ZRANB1: variants seen among roughly 807,000 people sequenced by gnomAD.
ZRANB1 encodes ubiquitin thioesterase ZRANB1.
A neutral mutation model predicts 80.5 loss-of-function variants in ZRANB1; 16 were observed. The ratio of observed to expected loss-of-function variants is 0.20; its 90% confidence interval spans 0.13 to 0.30. The LOEUF is 0.30. Ranked by LOEUF, ZRANB1 falls within the 10% of genes least tolerant of loss-of-function variation. The pLI, the probability that ZRANB1 is intolerant of heterozygous loss-of-function variation, is 1.00. For synonymous variants in ZRANB1, 291 were observed against 293.1 expected (o/e 0.99, Z 0.07); for missense variants, 576 against 862.6 (o/e 0.67, Z 4.16).
At chr10:124,952,672 G>A (rs546856200) in intron 1 of ZRANB1, among the ~76,000 whole-genome samples, 7 of 151,990 alleles carry the variant, frequency 4.6e-5, no homozygotes, top group East Asian at 1.9e-4. Flanking sequence ...GTGTAATGGC[G>A]TGGTCTTGGC....
chr10:124,977,289 T>C (rs1057301302), intron 5 of ZRANB1, among the ~76,000 whole-genome samples: 12 of 151,978 alleles, frequency 7.9e-5, no homozygotes, highest in African/African-American at 2.7e-4. Flanking sequence ...TTTTTTTTTT[T>C]TTTCTTTTTT....
upstream of ZRANB1, among the ~76,000 whole-genome samples, chr10:124,937,233 C>G (rs1243497901): frequency 7.4e-6 from 1 of 135,204 alleles, no homozygotes; most frequent in Admixed American, 8.4e-5. Context: ...GTTGCCCAGA[C>G]TGGAGTGCAG....
intron 2 of ZRANB1, among the ~76,000 whole-genome samples, chr10:124,967,405 A>C (rs1016511867): frequency 6.6e-6 from 1 of 152,338 alleles, no homozygotes; most frequent in Admixed American, 6.5e-5. Context: ...ACTTGCAGGT[A>C]ACTAAGCATG....
At chr10:124,929,591 G>A in the ZRANB1 span, among the ~76,000 whole-genome samples, 1 of 151,092 alleles carries the variant, frequency 6.6e-6, no homozygotes, top group African/African-American at 2.4e-5. Context: ...GCCCACCTCT[G>A]CCTCCCAAAG....
chr10:124,944,457 GT>G, intron 1 of ZRANB1, among the ~76,000 whole-genome samples: 1 of 148,910 alleles, frequency 6.7e-6, no homozygotes, highest in Non-Finnish European at 1.5e-5. Context: ...GAAATCGTGA[GT>G]TTTAAAATTA....
At chr10:124,932,571 A>T in the ZRANB1 span, among the ~76,000 whole-genome samples, 2 of 149,298 alleles carry the variant, frequency 1.3e-5, no homozygotes, top group African/African-American at 5.0e-5. Context: ...GATTACAGGT[A>T]TGATTTTGAA....
chr10:124,942,288 G>A lies in ZRANB1; in HGVS notation c.-206G>A. 4 of 1,390,962 alleles carry A rather than the reference G, an allele frequency of 2.9e-6. No homozygotes were observed. In the South Asian group the frequency reaches 6.6e-5, roughly 23 times the overall value. 86.2% of individuals were successfully genotyped at this position (1,390,962 alleles called of 1,614,324 possible). On this transcript the variant is annotated 5_prime_UTR_variant, in exon 1 of 9. In the 5' UTR this introduces an upstream ATG that the reference lacks. Transcript: ENST00000359653. ...TTTTTTCTTTGAGAATTTATCTCCA[G>A]TGTTTCTATGGAAATTAAAAAAGAA...
At position 124,976,814 on chromosome 10, in the gene ZRANB1, C is replaced by T. The variant is rs186740541; in HGVS notation, c.1427+2416C>T. Among the ~76,000 whole-genome samples, 900 of 151,852 alleles carry T rather than the reference C, an allele frequency of 5.9e-3. 28 individuals carry two copies. The highest frequency in any genetic ancestry group is 0.043 in the Admixed American group (648 of 15,244). On this transcript the variant is annotated intron_variant, in intron 5 of 8. Transcript: ENST00000359653. ...CTCGAACTCCTGAGCTCAGGCAGTC[C>T]GCCCACCTCGACCTCCCAAAGTGCT... is the stretch of plus-strand genomic sequence containing the variant.
At chr10:124,959,623 C>T (rs997876068) in intron 1 of ZRANB1, among the ~76,000 whole-genome samples, 14 of 152,086 alleles carry the variant, frequency 9.2e-5, no homozygotes, top group Non-Finnish European at 1.9e-4. Context: ...CATGCCAGCA[C>T]GCCTGGCTTA....
At chr10:124,924,254 G>A in the ZRANB1 span, among the ~76,000 whole-genome samples, 6 of 150,286 alleles carry the variant, frequency 4.0e-5, no homozygotes, top group Non-Finnish European at 8.8e-5. Flanking sequence ...ATTTGAATGC[G>A]TGATATTAAT....
chr10:124,968,498 T>C (rs1194206632), intron 2 of ZRANB1, among the ~76,000 whole-genome samples: 1 of 152,124 alleles, frequency 6.6e-6, no homozygotes, highest in African/African-American at 2.4e-5. Context: ...GGCAGGCTTA[T>C]TGAGTATAAG....
rs1012681547 is a variant in ZRANB1 at position 124,945,012 on chromosome 10, T to C, written c.814+1705T>C. On this transcript the variant is annotated intron_variant, in intron 1 of 8. Coordinates refer to ENST00000359653, the MANE Select transcript of ZRANB1 (RefSeq NM_017580.3). The stretch of plus-strand genomic sequence containing the variant: ...TTCTGCTCCAAATTGAGGGGCAACA[T>C]ACAGTATGATTGTCAGTTAAAAAAA... 1.9e-4 allele frequency among the ~76,000 whole-genome samples: 29 copies of C among 152,320 alleles called. No individual in the cohort carries two copies. In the Middle Eastern group the frequency reaches 0.01, roughly 54 times the overall value.
At chr10:124,930,176 C>T in the ZRANB1 span, among the ~76,000 whole-genome samples, 1 of 152,124 alleles carries the variant, frequency 6.6e-6, no homozygotes, top group African/African-American at 2.4e-5. Context: ...GGCTTGGGTT[C>T]TAAGGCTTTG....
chr10:124,966,900 C>A (rs1447888472), intron 2 of ZRANB1, 119 bp downstream of exon 2: 2 of 939,064 alleles, frequency 2.1e-6, no homozygotes, highest in Non-Finnish European at 3.1e-6. Flanking sequence ...ATTCTTTTAC[C>A]CCCTTTTAAA....
chr10:124,922,281 A>AATATATATATATAT, the ZRANB1 span, among the ~76,000 whole-genome samples: 101 of 87,422 alleles, frequency 1.2e-3, no homozygotes, highest in African/African-American at 3.7e-3. Flanking sequence ...ATATATGTAA[A>AATATATATATATAT]ATATATATAT....
the ZRANB1 span, among the ~76,000 whole-genome samples, chr10:124,927,776 C>G: frequency 6.6e-6 from 1 of 152,184 alleles, no homozygotes; most frequent in African/African-American, 2.4e-5. Context: ...GTGGGTCATT[C>G]CTGTAATCCC....
intron 1 of ZRANB1, among the ~76,000 whole-genome samples, chr10:124,955,433 A>G (rs1271463401): frequency 6.6e-6 from 1 of 152,018 alleles, no homozygotes; most frequent in African/African-American, 2.4e-5. Context: ...TCCAAAATGT[A>G]CACAGACTTC....
At chr10:124,981,392 CT>C (rs71029230) in intron 5 of ZRANB1, 13,712 of 159,884 alleles carry the variant, frequency 0.086, 367 homozygotes, top group Admixed American at 0.15. Context: ...TTTCAGATGA[CT>C]TTTTTTTTTT....
chr10:124,919,360 C>CA, the ZRANB1 span, among the ~76,000 whole-genome samples: 4 of 152,020 alleles, frequency 2.6e-5, no homozygotes, highest in Non-Finnish European at 4.4e-5. Context: ...GCCTGGCCAA[C>CA]ATGGTGAAAC....
Sources: allele counts gnomAD v4.1 joint callset (sites outside exome capture counted in the v4.1 genomes callset), GRCh38; gene constraint gnomAD v4.1.1; transcripts MANE v1.5; gene names NCBI Gene and HGNC (gene_info 2026-07-23, HGNC 2026-07-21).